Variants in SCN11A observed in about 807,000 individuals in gnomAD.
SCN11A encodes the protein sodium channel protein type 11 subunit alpha.
SCN11A carries 122 observed loss-of-function variants against 162.2 expected under a neutral mutation model. The observed-to-expected ratio is 0.75, with a 90% CI of 0.65 to 0.87. The LOEUF (loss-of-function observed/expected upper bound fraction) is 0.87. SCN11A is among the 40% of genes least tolerant of loss of function. SCN11A has a pLI of 0.00. For missense variants in SCN11A, 2,015 were observed against 2,181.6 expected, an observed-to-expected ratio of 0.92 and a Z score of 1.52; for synonymous variants, 758 against 751.5, an observed-to-expected ratio of 1.01 and a Z score of -0.14.
At chr3:38,970,124 G>A (rs1395086098) in intron 2 of SCN11A, among the ~76,000 whole-genome samples, 2 of 152,166 alleles carry the variant, frequency 1.3e-5, no homozygotes, top group African/African-American at 2.4e-5. Flanking sequence ...GTTTCTGTAG[G>A]GGAGAGAGCG....
chr3:38,874,319 T>G (rs2065175183), intron 23 of SCN11A, among the ~76,000 whole-genome samples: 1 of 152,120 alleles, frequency 6.6e-6, no homozygotes, highest in Admixed American at 6.6e-5. Flanking sequence ...TTGCCATGGC[T>G]GGGCACAGTC....
chr3:39,049,419 T>C (rs1262889554), intron 1 of SCN11A, among the ~76,000 whole-genome samples: 3 of 152,232 alleles, frequency 2.0e-5, no homozygotes, highest in South Asian at 2.1e-4. Context: ...ATTCCCTAGA[T>C]GGTGGTGTCA....
chr3:38,889,782 A>G (rs2065464759), intron 19 of SCN11A, among the ~76,000 whole-genome samples: 1 of 151,034 alleles, frequency 6.6e-6, no homozygotes, highest in South Asian at 2.1e-4. Context: ...CCTGGGCGAC[A>G]GAGCGAGACT....
intron 7 of SCN11A, among the ~76,000 whole-genome samples, chr3:38,932,148 C>T (rs1220789932): frequency 6.6e-6 from 1 of 151,190 alleles, no homozygotes; most frequent in Admixed American, 6.5e-5. Flanking sequence ...ATATTAAAAC[C>T]TACAAGACAG....
chr3:38,896,879 A>G lies in SCN11A; in HGVS notation c.2369T>C (p.Val790Ala). The G allele has an allele frequency of 6.2e-7, 1 of 1,604,286 alleles. No homozygotes were observed. The highest frequency in any genetic ancestry group is 1.7e-5 in the Admixed American group (1 of 59,366). Residue 790 changes from valine (V) to alanine (A), a missense_variant, in exon 18 of 30, where the codon GTC becomes GCC. Physicochemically the swap from Val to Ala is moderately conservative, Grantham distance 64. Transcript: ENST00000302328. ...TCCTATCACCGTGATCAATATGAAG[A>G]CAATAACACACAATGATGATGATGC... ...ANASSSLCVI[V>A]FILITVIGKL...
At chr3:39,044,492 T>C (rs1347925164) in intron 1 of SCN11A, among the ~76,000 whole-genome samples, 3 of 151,986 alleles carry the variant, frequency 2.0e-5, no homozygotes, top group African/African-American at 4.8e-5. Flanking sequence ...TACAATGAAA[T>C]AAAACTAGAA....
chr3:38,905,298 T>C lies in SCN11A; in HGVS notation c.1497A>G (p.Lys499=), dbSNP rs748660663. 12 of 1,613,962 alleles carry C rather than the reference T, an allele frequency of 7.4e-6. No individual in the cohort carries two copies. The highest frequency in any genetic ancestry group is 1.0e-5 in the Non-Finnish European group (12 of 1,179,920). ...CCAGTGATAGATTCTGGGACAGTCGTTTGGTTTGCTCTAGGAGCTGTGGCT... is the reference window on the plus strand; with the variant it reads ...CCAGTGATAGATTCTGGGACAGTCGCTTGGTTTGCTCTAGGAGCTGTGGCT... ...QKKPQLLEQT[K]RLSQNLSLDH... The change falls in exon 15 of 30, where the codon AAA becomes AAG. Residue 499 remains lysine (K), a synonymous_variant. Coordinates refer to ENST00000302328, the MANE Select transcript of SCN11A (RefSeq NM_001349253.2).
chr3:38,955,803 T>G (rs1325435754), intron 3 of SCN11A, among the ~76,000 whole-genome samples: 1 of 152,138 alleles, frequency 6.6e-6, no homozygotes, highest in East Asian at 1.9e-4. Context: ...AAAAGAGAAT[T>G]CAGAAAAGCA....
chr3:39,029,029 T>C (rs567300589), intron 2 of SCN11A, among the ~76,000 whole-genome samples: 1 of 152,368 alleles, frequency 6.6e-6, no homozygotes, highest in Admixed American at 6.5e-5. Context: ...TGCATCTTTA[T>C]GGATGTATCA....
At chr3:38,935,835 T>C (rs778555208) in intron 7 of SCN11A, among the ~76,000 whole-genome samples, 4 of 151,950 alleles carry the variant, frequency 2.6e-5, no homozygotes, top group Non-Finnish European at 2.9e-5. Flanking sequence ...TTCCAATCAA[T>C]AGAAAAAGAG....
chr3:38,990,006 C>T (rs764279688), intron 2 of SCN11A, among the ~76,000 whole-genome samples: 21 of 152,162 alleles, frequency 1.4e-4, no homozygotes, highest in Non-Finnish European at 2.8e-4. Flanking sequence ...AAAAGCATTG[C>T]CTCTTTTGAT....
chr3:38,996,374 T>A (rs1050558510), intron 2 of SCN11A, among the ~76,000 whole-genome samples: 1 of 152,170 alleles, frequency 6.6e-6, no homozygotes, highest in African/African-American at 2.4e-5. Context: ...AATGTCCTTT[T>A]CAAGGATGAG....
intron 2 of SCN11A, among the ~76,000 whole-genome samples, chr3:39,016,731 T>G (rs1358314818): frequency 6.6e-6 from 1 of 152,052 alleles, no homozygotes; most frequent in Admixed American, 6.6e-5. Context: ...GCCTCCCAAG[T>G]AGCTGGGATT....
intron 2 of SCN11A, among the ~76,000 whole-genome samples, chr3:39,021,786 T>A (rs553005870): frequency 1.3e-4 from 20 of 152,326 alleles, no homozygotes; most frequent in African/African-American, 4.3e-4. Context: ...GTTGTCTGGA[T>A]GGAGCCTGAA....
At chr3:38,868,845 T>TAGAGAGAG (rs1198821679) in intron 26 of SCN11A, among the ~76,000 whole-genome samples, 1 of 152,274 alleles carries the variant, frequency 6.6e-6, no homozygotes, top group East Asian at 1.9e-4. Flanking sequence ...GAGATTTGAG[T>TAGAGAGAG]AACATAATTG....
intron 2 of SCN11A, among the ~76,000 whole-genome samples, chr3:38,994,953 C>T (rs74776949): frequency 0.04 from 6,120 of 152,144 alleles, 229 homozygotes; most frequent in African/African-American, 0.095. Flanking sequence ...ACACCCCTGC[C>T]TCTCATTCTA....
At chr3:38,869,613 A>G (rs1006821824) in intron 26 of SCN11A, among the ~76,000 whole-genome samples, 3 of 152,116 alleles carry the variant, frequency 2.0e-5, no homozygotes, top group Non-Finnish European at 4.4e-5. Flanking sequence ...TATAATGACA[A>G]CTGGAATGGC....
chr3:38,862,484 A>T (rs2064980312), intron 28 of SCN11A, among the ~76,000 whole-genome samples: 1 of 152,166 alleles, frequency 6.6e-6, no homozygotes, highest in Non-Finnish European at 1.5e-5. Context: ...AAAATGTGAA[A>T]CCAACCTAAA....
At chr3:39,040,999 G>A (rs1250188655) in intron 1 of SCN11A, among the ~76,000 whole-genome samples, 2 of 152,082 alleles carry the variant, frequency 1.3e-5, no homozygotes, top group Non-Finnish European at 2.9e-5. Flanking sequence ...GGAGAATGGT[G>A]TGAACCCGGG....
Sources: allele counts gnomAD v4.1 joint callset (sites outside exome capture counted in the v4.1 genomes callset), GRCh38; gene constraint gnomAD v4.1.1; transcripts MANE v1.5; gene names NCBI Gene and HGNC (gene_info 2026-07-23, HGNC 2026-07-21).